Variants in RNF6 observed in about 807,000 individuals in gnomAD.
The protein encoded by RNF6 is E3 ubiquitin-protein ligase RNF6.
In RNF6, 21 loss-of-function variants were observed where a neutral mutation model predicts 50.1. The ratio of observed to expected loss-of-function variants is 0.42; its 90% CI spans 0.30 to 0.60. The LOEUF (loss-of-function observed/expected upper bound fraction) is 0.60, where lower values mean the gene tolerates loss of function less well. RNF6 is among the 20% of genes least tolerant of loss of function. The probability of loss-of-function intolerance (pLI) is 0.20; values close to 1 mark genes in which losing one functional copy is unlikely to be tolerated. For missense variants in RNF6, 698 were observed against 838.2 expected (o/e 0.83, Z 2.07); for synonymous variants, 255 against 291.8 (o/e 0.87, Z 1.29).
intron 5 of RNF6, among the ~76,000 whole-genome samples, chr13:26,166,423 T>C (rs1872454888): frequency 6.6e-6 from 1 of 152,182 alleles, no homozygotes. Flanking sequence ...TATCCCTGTT[T>C]GCAGACAACG....
chr13:26,147,216 C>A (rs1871296433), intron 5 of RNF6, among the ~76,000 whole-genome samples: 1 of 152,152 alleles, frequency 6.6e-6, no homozygotes, highest in Non-Finnish European at 1.5e-5. Context: ...TCAAGTATTT[C>A]TTTTGAAGTG....
chr13:26,197,736 A>T (rs952450858), intron 5 of RNF6, among the ~76,000 whole-genome samples: 7 of 152,020 alleles, frequency 4.6e-5, no homozygotes, highest in Admixed American at 4.6e-4. Context: ...ATCTCTGAAA[A>T]TACATTAGGC....
intron 5 of RNF6, among the ~76,000 whole-genome samples, chr13:26,164,779 A>G (rs753546304): frequency 5.9e-5 from 9 of 152,114 alleles, no homozygotes; most frequent in Non-Finnish European, 1.0e-4. Context: ...CTGTTTATTT[A>G]GTTCATGTCT....
At chr13:26,220,547 G>A (rs1870367402) in intron 2 of RNF6, among the ~76,000 whole-genome samples, 5 of 152,188 alleles carry the variant, frequency 3.3e-5, no homozygotes, top group Admixed American at 6.5e-5. Context: ...TATTCAGTAA[G>A]TCACACTAAA....
rs149340010 is a variant in RNF6 at position 26,150,676 on chromosome 13, T to C, written n.769-18225A>G. 120 of 151,712 alleles carry C rather than the reference T, an allele frequency of 7.9e-4. 1 individual carries two copies. The highest frequency in any genetic ancestry group is 2.9e-3 in the African/African-American group (119 of 41,322). 9.4% of individuals were successfully genotyped at this position (151,712 alleles called of 1,614,324 possible). ...TTAAAACCTCAAAACTTGAATTCACTCTTCACAACAACTATAGACTTAAAG... is the reference window on the plus strand; with the variant it reads ...TTAAAACCTCAAAACTTGAATTCACCCTTCACAACAACTATAGACTTAAAG... On this transcript the variant is annotated intron_variant and non_coding_transcript_variant, in intron 5 of 5. Transcript: ENST00000468480.
At position 26,213,963 on chromosome 13, in the gene RNF6, A is replaced by G. The variant is rs752301801; in HGVS notation, c.1919T>C (p.Val640Ala). The change falls in exon 5 of 5, where the codon GTA (valine) becomes GCA (alanine). Residue 640 changes from valine to alanine, a missense_variant. By Grantham distance (64) the Val-to-Ala change is moderately conservative. Transcript: ENST00000381588. ...TAATTGCCTGAGCTTGTTTCCAGTT[A>G]CATAGTCACTAATACAAACACTACA... ...KICSVCISDY[V>A]TGNKLRQLPC... The G allele has an allele frequency of 1.9e-6, 3 of 1,614,232 alleles. No individual in the cohort carries two copies. The highest frequency in any genetic ancestry group is 2.5e-6 in the Non-Finnish European group (3 of 1,180,028).
intron 5 of RNF6, among the ~76,000 whole-genome samples, chr13:26,196,295 AT>A (rs1868658094): frequency 6.6e-6 from 1 of 152,188 alleles, no homozygotes. Flanking sequence ...GGGAAAAAAA[AT>A]GTCAACCCAG....
At chr13:26,218,720 CAT>C (rs2137787699) in intron 3 of RNF6, 114 bp from the exon 4 acceptor site, 1 of 720,464 alleles carries the variant, frequency 1.4e-6, no homozygotes, top group Non-Finnish European at 2.4e-6. Context: ...TTATTACTTT[CAT>C]ATGTTCTGTA....
intron 5 of RNF6, among the ~76,000 whole-genome samples, chr13:26,170,471 C>T (rs966146455): frequency 2.3e-5 from 3 of 127,690 alleles, no homozygotes; most frequent in African/African-American, 8.5e-5. Context: ...TTTCTCTTTA[C>T]GCATTTTACT....
At chr13:26,152,246 G>A (rs1053108831) in intron 5 of RNF6, among the ~76,000 whole-genome samples, 2 of 152,220 alleles carry the variant, frequency 1.3e-5, no homozygotes, top group Non-Finnish European at 2.9e-5. Context: ...AGGATTCAGT[G>A]TGAAAGTTCT....
chr13:26,205,751 C>T (rs959506784), intron 5 of RNF6, among the ~76,000 whole-genome samples: 14 of 152,236 alleles, frequency 9.2e-5, no homozygotes, highest in East Asian at 1.9e-4. Context: ...CAGTGGCTTA[C>T]GCCTGTAATC....
intron 5 of RNF6, among the ~76,000 whole-genome samples, chr13:26,142,652 A>G (rs1871019212): frequency 6.7e-6 from 1 of 148,282 alleles, no homozygotes; most frequent in African/African-American, 2.4e-5. Flanking sequence ...GTTCTATCTT[A>G]TAAGTGAGAA....
rs1870243557 is a variant in RNF6 at position 26,219,461 on chromosome 13, G to A, written c.189C>T (p.Thr63=). The A allele has an allele frequency of 1.2e-6, 2 of 1,600,124 alleles. No homozygotes were observed. Among genetic ancestry groups the A allele is most frequent in the Non-Finnish European group, 1.7e-6 (2 of 1,171,356 alleles). ...RLMRDHNLLG[T]PGEITSEELQ... ...CCTCTTTTACCCATCTCTTACCAGG[G>A]GTGCCTAAAAGATTATGGTCTCTCA... The change falls in exon 3 of 5, where the codon ACC becomes ACT. Residue 63 remains threonine, a synonymous_variant. Coordinates refer to ENST00000381588, the MANE Select transcript of RNF6 (RefSeq NM_005977.4).
At chr13:26,209,928 T>G (rs767311608), downstream of RNF6, among the ~76,000 whole-genome samples, 3 of 152,176 alleles carry the variant, frequency 2.0e-5, no homozygotes, top group Non-Finnish European at 4.4e-5. Flanking sequence ...AAAAAATATA[T>G]AGGGGCCAAC....
At position 26,215,297 on chromosome 13, in the gene RNF6, C is replaced by T. The variant is rs752253224; in HGVS notation, c.585G>A (p.Arg195=). The T allele has an allele frequency of 1.9e-6, 3 of 1,614,190 alleles. No homozygotes were observed. Among genetic ancestry groups the T allele is most frequent in the Non-Finnish European group, 2.5e-6 (3 of 1,180,040 alleles). Residue 195 remains arginine (R), a synonymous_variant, in exon 5 of 5, where the codon AGG becomes AGA. Coordinates refer to ENST00000381588, the MANE Select transcript of RNF6 (RefSeq NM_005977.4). Reference sequence around the variant, plus strand: ...TCACTGAGGTTTGGCTTCTTGTTCGCCTAGCCACAGGACTAGTTGACCTTT... The same window carrying T: ...TCACTGAGGTTTGGCTTCTTGTTCGTCTAGCCACAGGACTAGTTGACCTTT... ...RQQRSTSPVA[R]RTRSQTSVNF...
At chr13:26,180,798 C>G (rs1235767863) in intron 5 of RNF6, among the ~76,000 whole-genome samples, 1 of 152,222 alleles carries the variant, frequency 6.6e-6, no homozygotes, top group African/African-American at 2.4e-5. Context: ...GGTGGCAGAT[C>G]CTGCAAAGCG....
In RNF6 at chr13:26,214,332, T is replaced by C. The variant is rs768349536; in HGVS notation, c.1550A>G (p.His517Arg). Reference sequence around the variant, plus strand: ...TGTACCTAAGTTACTCAGTTCTGAGTGCATGTCTGGTAAATGCTGGCCATT... The same window carrying C: ...TGTACCTAAGTTACTCAGTTCTGAGCGCATGTCTGGTAAATGCTGGCCATT... ...QRNGQHLPDMHSELSNLGTDN... is the reference protein window; with the variant it reads ...QRNGQHLPDMRSELSNLGTDN... Residue 517 changes from histidine to arginine, a missense_variant, in exon 5 of 5, where the codon CAC becomes CGC. Coordinates refer to ENST00000381588, the MANE Select transcript of RNF6 (RefSeq NM_005977.4). 3 of 1,614,124 alleles carry C rather than the reference T, an allele frequency of 1.9e-6. No homozygotes were observed. Among genetic ancestry groups the C allele is most frequent in the South Asian group, 2.2e-5 (2 of 91,084 alleles).
chr13:26,217,597 T>C (rs769774368), intron 4 of RNF6, among the ~76,000 whole-genome samples: 16 of 152,230 alleles, frequency 1.1e-4, no homozygotes, highest in Non-Finnish European at 1.9e-4. Flanking sequence ...ATACAAATGG[T>C]ACCCTGGAGC....
chr13:26,219,673 CAAACAATAT>C lies in RNF6; in HGVS notation c.-18-15_-18-7del. On this transcript the variant is annotated splice_region_variant and splice_polypyrimidine_tract_variant and intron_variant, in intron 2 of 4. Coordinates refer to ENST00000381588, the MANE Select transcript of RNF6 (RefSeq NM_005977.4). ...ATCCTGAGATTCCTGGCTTTCTGTT[CAAACAATAT>C]AAACAACATTCAAGGTGTTAAGTCA... 6.2e-7 allele frequency: 1 copy of C among 1,609,222 alleles called. No individual in the cohort carries two copies.
Sources: allele counts gnomAD v4.1 joint callset (sites outside exome capture counted in the v4.1 genomes callset), GRCh38; gene constraint gnomAD v4.1.1; transcripts MANE v1.5; gene names NCBI Gene and HGNC (gene_info 2026-07-23, HGNC 2026-07-21).